CNBD1: variants seen among roughly 807,000 people sequenced by gnomAD.
CNBD1 encodes the protein cyclic nucleotide-binding domain-containing protein 1.
CNBD1 carries 71 observed loss-of-function variants against 54.4 expected under a neutral mutation model. The observed-to-expected ratio is 1.30, with a 90% CI of 1.08 to 1.59. The LOEUF is 1.59. CNBD1 is among the 40% of genes most tolerant of loss of function. The probability of loss-of-function intolerance (pLI) is 0.00; values close to 1 mark genes in which losing one functional copy is unlikely to be tolerated. For synonymous variants in CNBD1, 182 were observed against 170.7 expected (o/e 1.07, Z -0.51); for missense variants, 659 against 518.0 (o/e 1.27, Z -2.64).
At chr8:87,319,388 A>G (rs2130897691) in intron 8 of CNBD1, among the ~76,000 whole-genome samples, 1 of 152,246 alleles carries the variant, frequency 6.6e-6, no homozygotes, top group East Asian at 1.9e-4. Context: ...TATAGCAGTA[A>G]TAAAACCAAC....
rs560131773 is a variant in CNBD1, at chr8:87,292,453, A to C, written c.1042+5782A>C. On this transcript the variant is annotated intron_variant, in intron 8 of 10. Coordinates refer to ENST00000518476, the MANE Select transcript of CNBD1 (RefSeq NM_173538.3). Reference sequence around the variant, plus strand: ...TCATCATGTTTAATTCTCAGTATGCATGCGGCAAGCTTTCTACTACATGGG... The same window carrying C: ...TCATCATGTTTAATTCTCAGTATGCCTGCGGCAAGCTTTCTACTACATGGG... 4.4e-4 allele frequency among the ~76,000 whole-genome samples: 67 copies of C among 152,322 alleles called. 1 individual carries two copies. The highest frequency in any genetic ancestry group is 3.5e-3 in the Admixed American group (54 of 15,288).
At chr8:86,867,025 A>G (rs768242775) in intron 1 of CNBD1, among the ~76,000 whole-genome samples, 14 of 152,206 alleles carry the variant, frequency 9.2e-5, no homozygotes, top group Non-Finnish European at 1.9e-4. Context: ...AAGGAAAAAA[A>G]GATAATTCCT....
At chr8:87,196,389 C>T (rs567451660) in intron 4 of CNBD1, among the ~76,000 whole-genome samples, 1 of 152,300 alleles carries the variant, frequency 6.6e-6, no homozygotes, top group Non-Finnish European at 1.5e-5. Flanking sequence ...AATGCAAAAG[C>T]TCCCTTTCCT....
intron 4 of CNBD1, among the ~76,000 whole-genome samples, chr8:87,092,898 C>T (rs1425528013): frequency 6.6e-6 from 1 of 152,062 alleles, no homozygotes; most frequent in African/African-American, 2.4e-5. Context: ...CTCTCCAAAA[C>T]CCCTTTGAAT....
intron 4 of CNBD1, among the ~76,000 whole-genome samples, chr8:87,203,678 T>C (rs963621501): frequency 1.3e-5 from 2 of 152,200 alleles, no homozygotes; most frequent in African/African-American, 4.8e-5. Flanking sequence ...AAAGTTTCAC[T>C]AGTTACGCAT....
At chr8:86,953,697 G>C (rs1454107075) in intron 4 of CNBD1, among the ~76,000 whole-genome samples, 2 of 151,816 alleles carry the variant, frequency 1.3e-5, no homozygotes, top group Admixed American at 6.6e-5. Flanking sequence ...TGTGACCCCT[G>C]TCTCTACAAC....
At chr8:87,076,039 A>T (rs914453172) in intron 4 of CNBD1, among the ~76,000 whole-genome samples, 12 of 152,216 alleles carry the variant, frequency 7.9e-5, no homozygotes, top group African/African-American at 2.9e-4. Flanking sequence ...GGTGTAAATC[A>T]GGATACATTA....
chr8:87,176,451 G>T (rs1813198929), intron 4 of CNBD1, among the ~76,000 whole-genome samples: 1 of 151,548 alleles, frequency 6.6e-6, no homozygotes, highest in Non-Finnish European at 1.5e-5. Context: ...TCTTACTAGG[G>T]ATATTTCCTC....
At chr8:87,385,638 G>A (rs1053370172), downstream of CNBD1, among the ~76,000 whole-genome samples, 1 of 152,092 alleles carries the variant, frequency 6.6e-6, no homozygotes, top group Non-Finnish European at 1.5e-5. Flanking sequence ...ACTGGGTGGG[G>A]CCCACCGCAG....
chr8:87,078,686 G>GT (rs1410704424), intron 4 of CNBD1, among the ~76,000 whole-genome samples: 34 of 152,112 alleles, frequency 2.2e-4, no homozygotes, highest in Non-Finnish European at 2.2e-4. Flanking sequence ...TTTTGTTTGT[G>GT]TTTAAGAGCA....
chr8:87,364,063 C>A (rs190801330), intron 10 of CNBD1, among the ~76,000 whole-genome samples: 1 of 151,552 alleles, frequency 6.6e-6, no homozygotes, highest in Non-Finnish European at 1.5e-5. Context: ...TGTTTCTCAA[C>A]ATATTGTTTT....
chr8:87,152,545 A>G (rs944110288), intron 4 of CNBD1, among the ~76,000 whole-genome samples: 1 of 152,032 alleles, frequency 6.6e-6, no homozygotes, highest in Non-Finnish European at 1.5e-5. Flanking sequence ...TGTGGCCCAC[A>G]GGCTGTGGGC....
At chr8:87,102,774 C>T (rs754093011) in intron 4 of CNBD1, among the ~76,000 whole-genome samples, 2 of 152,128 alleles carry the variant, frequency 1.3e-5, no homozygotes, top group Middle Eastern at 3.4e-3. Context: ...CCAAAACGCC[C>T]GGCTAATTTT....
chr8:86,955,595 A>C (rs904745242), intron 4 of CNBD1, among the ~76,000 whole-genome samples: 2 of 151,834 alleles, frequency 1.3e-5, no homozygotes, highest in African/African-American at 4.9e-5. Context: ...GATGATGAGC[A>C]GTTTTTCATA....
intron 4 of CNBD1, among the ~76,000 whole-genome samples, chr8:87,130,718 A>G (rs1035981732): frequency 6.6e-6 from 1 of 151,784 alleles, no homozygotes; most frequent in Non-Finnish European, 1.5e-5. Flanking sequence ...CAGAGGTTGC[A>G]ATGAGCTGAG....
chr8:86,931,324 G>C (rs1420757272), intron 3 of CNBD1, among the ~76,000 whole-genome samples: 1 of 152,158 alleles, frequency 6.6e-6, no homozygotes, highest in Non-Finnish European at 1.5e-5. Context: ...GACATGAGCT[G>C]GCACTTGCCC....
chr8:87,357,986 C>T lies in CNBD1; in HGVS notation c.1303+4200C>T, dbSNP rs181846440. Among the ~76,000 whole-genome samples, 583 of 152,196 alleles carry T rather than the reference C, an allele frequency of 3.8e-3. 8 individuals are homozygous for T. Among genetic ancestry groups the T allele is most frequent in the African/African-American group, 0.013 (554 of 41,540 alleles). Reference sequence around the variant, plus strand: ...ATGAGAGCTGGTTGTTTAAAGAAGCCTAGCAGCTCCTTTTCTCTCTCTTGC... The same window carrying T: ...ATGAGAGCTGGTTGTTTAAAGAAGCTTAGCAGCTCCTTTTCTCTCTCTTGC... On this transcript the variant is annotated intron_variant, in intron 10 of 10. Coordinates refer to ENST00000518476, the MANE Select transcript of CNBD1 (RefSeq NM_173538.3).
chr8:87,394,070 G>A (rs1347052667), intron 2 of CNBD1, among the ~76,000 whole-genome samples: 1 of 151,826 alleles, frequency 6.6e-6, no homozygotes, highest in Non-Finnish European at 1.5e-5. Flanking sequence ...AAAGGTACAT[G>A]CTTATTTCTA....
chr8:87,309,241 G>A (rs947987516), intron 8 of CNBD1, among the ~76,000 whole-genome samples: 1 of 152,002 alleles, frequency 6.6e-6, no homozygotes, highest in African/African-American at 2.4e-5. Flanking sequence ...ATTCTCATCA[G>A]CATTTGTTAA....
Sources: allele counts gnomAD v4.1 joint callset (sites outside exome capture counted in the v4.1 genomes callset), GRCh38; gene constraint gnomAD v4.1.1; transcripts MANE v1.5; gene names NCBI Gene and HGNC (gene_info 2026-07-23, HGNC 2026-07-21).